The following FOXO3 variants were observed in gnomAD, a reference collection of about 807,000 sequenced individuals.
FOXO3 encodes forkhead box O3, also known as forkhead box protein O3.
In FOXO3, 4 loss-of-function variants were observed where a neutral mutation model predicts 41.9. The observed-to-expected ratio is 0.10, with a 90% CI of 0.05 to 0.22. The LOEUF (loss-of-function observed/expected upper bound fraction) is 0.22. FOXO3 is among the 10% of genes least tolerant of loss of function. The pLI is 1.00. For missense variants in FOXO3, 534 were observed against 906.8 expected (o/e 0.59, Z 5.28); for synonymous variants, 318 against 389.3 (o/e 0.82, Z 2.16).
intron 1 of FOXO3, among the ~76,000 whole-genome samples, chr6:108,648,542 T>A (rs1055929251): frequency 6.6e-6 from 1 of 152,236 alleles, no homozygotes; most frequent in Non-Finnish European, 1.5e-5. Context: ...CATGTATGTC[T>A]GCCTCTCTTG....
chr6:108,671,627 A>C (rs1224371183), intron 2 of FOXO3, among the ~76,000 whole-genome samples: 1 of 152,198 alleles, frequency 6.6e-6, no homozygotes, highest in African/African-American at 2.4e-5. Context: ...TAAACATGTT[A>C]TTTAATGTTT....
At chr6:108,592,054 G>A (rs1181207463) in intron 1 of FOXO3, among the ~76,000 whole-genome samples, 4 of 152,140 alleles carry the variant, frequency 2.6e-5, no homozygotes, top group Non-Finnish European at 4.4e-5. Flanking sequence ...CCATTTCTGT[G>A]GAATTCTAGA....
intron 1 of FOXO3, chr6:108,656,259 T>G: frequency 1.0e-5 from 5 of 479,618 alleles, no homozygotes; most frequent in African/African-American, 2.1e-5. Flanking sequence ...TTGTCGTTGC[T>G]GAGAAAGATA....
intron 1 of FOXO3, among the ~76,000 whole-genome samples, chr6:108,590,059 A>G (rs1282534067): frequency 6.6e-6 from 1 of 152,248 alleles, no homozygotes; most frequent in Non-Finnish European, 1.5e-5. Context: ...AAACATAAGT[A>G]TGCAGGCAAA....
intron 1 of FOXO3, among the ~76,000 whole-genome samples, chr6:108,617,392 G>T (rs1367005859): frequency 6.7e-6 from 1 of 150,268 alleles, no homozygotes; most frequent in Admixed American, 6.6e-5. Context: ...ATTTTACATA[G>T]TTTTTTTTTC....
chr6:108,664,448 C>G lies in FOXO3; in HGVS notation c.1615C>G (p.Gln539Glu), dbSNP rs1778987563. 1.9e-6 allele frequency: 3 copies of G among 1,613,170 alleles called. No individual in the cohort carries two copies. Among genetic ancestry groups the G allele is most frequent in the East Asian group, 2.2e-5 (1 of 44,866 alleles). The change falls in exon 2 of 3, where the codon CAA becomes GAA. Residue 539 changes from glutamine (Q) to glutamate (E), a missense_variant. Gln to Glu is a conservative substitution (Grantham distance 29, BLOSUM62 2). Coordinates refer to ENST00000406360, the MANE Select transcript of FOXO3 (RefSeq NM_001455.4). ...VNQNLLHHQH[Q>E]TQGALGGSRA... ...TCAGAACTTGCTCCACCACCAGCAC[C>G]AAACCCAGGGCGCTCTTGGTGGCAG...
chr6:108,591,330 C>T (rs1776728407), intron 1 of FOXO3, among the ~76,000 whole-genome samples: 1 of 152,176 alleles, frequency 6.6e-6, no homozygotes. Flanking sequence ...CCCTTGGAAA[C>T]ACTAGCAGTC....
chr6:108,574,957 T>C (rs1485181688), intron 1 of FOXO3, among the ~76,000 whole-genome samples: 1 of 152,204 alleles, frequency 6.6e-6, no homozygotes, highest in East Asian at 1.9e-4. Flanking sequence ...GGATGCTACC[T>C]GATAACTGAG....
chr6:108,662,987 T>C (rs1027628330), intron 1 of FOXO3, among the ~76,000 whole-genome samples: 1 of 152,196 alleles, frequency 6.6e-6, no homozygotes, highest in Non-Finnish European at 1.5e-5. Context: ...CCATTTAACA[T>C]GTCATTTTAT....
chr6:108,673,521 T>C (rs1263334111), intron 2 of FOXO3, among the ~76,000 whole-genome samples: 2 of 152,222 alleles, frequency 1.3e-5, no homozygotes, highest in Non-Finnish European at 2.9e-5. Context: ...TTTGGACTAT[T>C]TGTAGAACTC....
At chr6:108,673,649 T>C (rs929047165) in intron 2 of FOXO3, among the ~76,000 whole-genome samples, 10 of 152,204 alleles carry the variant, frequency 6.6e-5, no homozygotes, top group African/African-American at 2.2e-4. Context: ...CTTCAGTATT[T>C]GGTAGCTAAA....
At chr6:108,654,977 A>G (rs1337202467) in intron 1 of FOXO3, among the ~76,000 whole-genome samples, 1 of 152,210 alleles carries the variant, frequency 6.6e-6, no homozygotes, top group Non-Finnish European at 1.5e-5. Context: ...GCTTTTGAAC[A>G]ACATCTTAGT....
At chr6:108,665,079 G>T (rs1424461730) in intron 2 of FOXO3, among the ~76,000 whole-genome samples, 190 bp downstream of exon 2, 2 of 152,170 alleles carry the variant, frequency 1.3e-5, no homozygotes, top group Admixed American at 6.5e-5. Context: ...GCTGTCAGGT[G>T]CCCCCCTTCC....
intron 1 of FOXO3, among the ~76,000 whole-genome samples, chr6:108,637,136 A>G (rs1778141078): frequency 6.6e-6 from 1 of 152,200 alleles, no homozygotes; most frequent in African/African-American, 2.4e-5. Flanking sequence ...AAGAAATAAA[A>G]TAAATTGAGG....
chr6:108,587,947 C>G (rs1400602777), intron 1 of FOXO3, among the ~76,000 whole-genome samples: 9 of 152,212 alleles, frequency 5.9e-5, no homozygotes, highest in Non-Finnish European at 1.0e-4. Flanking sequence ...AAGGGCTCCC[C>G]CATCCTCCCT....
At chr6:108,586,438 T>C (rs1776581694) in intron 1 of FOXO3, among the ~76,000 whole-genome samples, 1 of 152,196 alleles carries the variant, frequency 6.6e-6, no homozygotes, top group Non-Finnish European at 1.5e-5. Context: ...GCCAGTCCAT[T>C]AGTTTCAGTG....
chr6:108,607,271 G>A (rs769392772), intron 1 of FOXO3, among the ~76,000 whole-genome samples: 1 of 152,030 alleles, frequency 6.6e-6, no homozygotes, highest in Non-Finnish European at 1.5e-5. Flanking sequence ...GGGCAACATG[G>A]CAAAGCCCCA....
At chr6:108,585,800 C>T (rs1250444750) in intron 1 of FOXO3, among the ~76,000 whole-genome samples, 1 of 152,364 alleles carries the variant, frequency 6.6e-6, no homozygotes, top group Admixed American at 6.5e-5. Flanking sequence ...CTCTAAACCA[C>T]TTAAAACACA....
rs189350737 is a variant in FOXO3, at chr6:108,577,276, C to G, written c.621+15447C>G. Among the ~76,000 whole-genome samples the G allele has an allele frequency of 2.2e-4, 34 of 152,222 alleles. 1 individual carries two copies. In the East Asian group the frequency reaches 6.0e-3, roughly 27 times the overall value. ...GGACTGTTACCAAGTCTTTGGCACA[C>G]GAGGGTACTTCCTTGATCGTCTAGC... is the stretch of plus-strand genomic sequence containing the variant. On this transcript the variant is annotated intron_variant, in intron 1 of 2. Transcript: ENST00000406360.
Sources: allele counts gnomAD v4.1 joint callset (sites outside exome capture counted in the v4.1 genomes callset), GRCh38; gene constraint gnomAD v4.1.1; transcripts MANE v1.5; gene names NCBI Gene and HGNC (gene_info 2026-07-23, HGNC 2026-07-21).